Variants in SLC6A3 observed in about 807,000 individuals in gnomAD.
SLC6A3 encodes sodium-dependent dopamine transporter.
Under a neutral mutation model 70.4 loss-of-function variants are expected in SLC6A3, and 19 were observed. The observed-to-expected ratio is 0.27, with a 90% CI of 0.19 to 0.40. The LOEUF (loss-of-function observed/expected upper bound fraction) is 0.40. Ranked by LOEUF, SLC6A3 falls within the 10% of genes least tolerant of loss-of-function variation. The probability of loss-of-function intolerance (pLI) is 1.00; values close to 1 mark genes in which losing one functional copy is unlikely to be tolerated. For synonymous variants in SLC6A3, 368 were observed against 356.6 expected (o/e 1.03, Z -0.36); for missense variants, 613 against 838.5 (o/e 0.73, Z 3.32).
Position 1,411,226 on chromosome 5 carries a change from C to A in SLC6A3, c.1269+17G>T, listed in dbSNP as rs374618829. The A allele has an allele frequency of 4.0e-6, 6 of 1,509,892 alleles. No individual in the cohort carries two copies. Among genetic ancestry groups the A allele is most frequent in the South Asian group, 1.2e-5 (1 of 83,308 alleles). The allele number at this position is 1,509,892 out of a possible 1,614,324, so 93.5% of individuals were successfully genotyped here. A position where few individuals can be genotyped will look rare whatever the true frequency, so the allele number is the denominator to read the frequency against. On this transcript the variant is annotated intron_variant, in intron 9 of 14. Transcript: ENST00000270349. This position sits in a 1 kb window ranked among gnomAD's most constrained non-coding sequence, Gnocchi z 6.5. Reference sequence around the variant, plus strand: ...CCCAACTGCCGAGGACAGGGCCGGGCGGTGCGGGTTACTCACGGCGCTGTC... The same window carrying A: ...CCCAACTGCCGAGGACAGGGCCGGGAGGTGCGGGTTACTCACGGCGCTGTC...
At position 1,409,234 on chromosome 5, in the gene SLC6A3, G is replaced by A. The variant is rs1017789562; in HGVS notation, c.1399-109C>T. The A allele has an allele frequency of 6.2e-5, 51 of 829,220 alleles. 4 individuals are homozygous for A. The South Asian group carries it at 7.3e-4, about 12-fold the overall frequency. 51.4% of individuals were successfully genotyped at this position (829,220 alleles called of 1,614,324 possible). A position where few individuals can be genotyped will look rare whatever the true frequency, so the allele number is the denominator to read the frequency against. Reference sequence around the variant, plus strand: ...TTGTTTCACTCACTGCAAAACTCTGGTTTGAGTCCCTAAAATTCAACCCAC... The same window carrying A: ...TTGTTTCACTCACTGCAAAACTCTGATTTGAGTCCCTAAAATTCAACCCAC... On this transcript the variant is annotated intron_variant, in intron 10 of 14. Transcript: ENST00000270349.
At chr5:1,410,385 G>A (rs1409246616) in intron 9 of SLC6A3, among the ~76,000 whole-genome samples, 1 of 152,170 alleles carries the variant, frequency 6.6e-6, no homozygotes, top group Non-Finnish European at 1.5e-5. Context: ...AGGAACATGA[G>A]GCCTGTGGTC....
intron 14 of SLC6A3, among the ~76,000 whole-genome samples, chr5:1,400,438 C>T (rs1010472355): frequency 6.6e-6 from 1 of 152,274 alleles, no homozygotes; most frequent in South Asian, 2.1e-4. Context: ...AAACACCTGG[C>T]GTGACCATCC....
intron 3 of SLC6A3, among the ~76,000 whole-genome samples, chr5:1,433,367 T>C (rs1318322630): frequency 1.3e-5 from 2 of 152,130 alleles, no homozygotes; most frequent in East Asian, 3.9e-4. Context: ...CTGGGGTCCT[T>C]GACAGCCATC....
chr5:1,422,446 C>T (rs1756466072), intron 4 of SLC6A3, among the ~76,000 whole-genome samples: 1 of 54,072 alleles, frequency 1.8e-5, no homozygotes, highest in Non-Finnish European at 3.3e-5. Context: ...CCACCGCTGC[C>T]CACAGTGCTG....
chr5:1,406,065 G>C lies in SLC6A3; in HGVS notation c.1599+123C>G. 1.3e-6 allele frequency: 1 copy of C among 757,198 alleles called. No individual in the cohort carries two copies. Among genetic ancestry groups the C allele is most frequent in the East Asian group, 2.6e-5 (1 of 39,052 alleles). 46.9% of individuals were successfully genotyped at this position (757,198 alleles called of 1,614,324 possible). ...GGATCAGCCTGTCCTTCTGGGCCGA[G>C]TCTTGAGGCCCCTGACTCCAGCCAC... is the stretch of plus-strand genomic sequence containing the variant. On this transcript the variant is annotated intron_variant, in intron 12 of 14. Transcript: ENST00000270349. This position sits in a 1 kb window ranked among gnomAD's most constrained non-coding sequence, Gnocchi z 8.8.
chr5:1,426,878 C>T (rs115616473), intron 4 of SLC6A3, among the ~76,000 whole-genome samples: 1 of 152,310 alleles, frequency 6.6e-6, no homozygotes, highest in African/African-American at 2.4e-5. Flanking sequence ...GGTTGCACAA[C>T]ATGTGATTGT....
chr5:1,441,952 G>T (rs1165586181), intron 2 of SLC6A3, among the ~76,000 whole-genome samples: 1 of 152,188 alleles, frequency 6.6e-6, no homozygotes, highest in Admixed American at 6.5e-5. Context: ...CTCAGAGGCT[G>T]CCCCTATTGA....
At chr5:1,409,976 G>T in intron 9 of SLC6A3, 127 bp from the exon 10 acceptor site, 1 of 1,208,804 alleles carries the variant, frequency 8.3e-7, no homozygotes, top group Non-Finnish European at 1.2e-6. Context: ...CCACATGGCC[G>T]TCCAGGGTGC....
intron 1 of SLC6A3, among the ~76,000 whole-genome samples, chr5:1,444,070 G>A (rs1006286807): frequency 6.6e-6 from 1 of 152,158 alleles, no homozygotes; most frequent in Non-Finnish European, 1.5e-5. Context: ...AGAGAGTTTA[G>A]ACATAACCAT....
Position 1,414,822 on chromosome 5 carries a change from G to A in SLC6A3, c.1032-7C>T. ...GGTGGTGACAATCGCGTCCCTGTAA[G>A]AACAAGACACGCCGTCTCAGGAACC... is the stretch of plus-strand genomic sequence containing the variant. On this transcript the variant is annotated splice_region_variant and splice_polypyrimidine_tract_variant and intron_variant, in intron 7 of 14. Transcript: ENST00000270349. 3.7e-6 allele frequency: 6 copies of A among 1,612,830 alleles called. No homozygotes were observed. Among genetic ancestry groups the A allele is most frequent in the Non-Finnish European group, 5.1e-6 (6 of 1,179,828 alleles).
In SLC6A3 at chr5:1,442,865, G is replaced by A. The variant is rs375414689; in HGVS notation, c.286+47C>T. On this transcript the variant is annotated intron_variant, in intron 2 of 14. Transcript: ENST00000270349. The surrounding 1 kb of genome is among the most constrained non-coding windows in gnomAD (Gnocchi z 5.0). ...GTGCCTTGGCCCCGGCTGCCCCTAC[G>A]ACCCCCGCCCGGCCAGCATGCTCAG... 1.7e-5 allele frequency: 27 copies of A among 1,607,560 alleles called. No homozygotes were observed. Among genetic ancestry groups the A allele is most frequent in the Admixed American group, 5.0e-5 (3 of 59,994 alleles).
At chr5:1,400,770 G>C (rs970564524) in intron 14 of SLC6A3, 145 bp downstream of exon 14, 1 of 711,240 alleles carries the variant, frequency 1.4e-6, no homozygotes, top group Admixed American at 2.1e-5. Context: ...GCCACCACTG[G>C]CTGCCTGTCC....
Position 1,408,203 on chromosome 5 carries a change from A to ATTTTTTTTTTTTTT in SLC6A3, c.1498+809_1498+822dup, listed in dbSNP as rs760385170. ...AGCCTTGTGCCACCACACCCGGCTA[A>ATTTTTTTTTTTTTT]TTTTTTTTTTTTTTTTTTTTAGTAA... On this transcript the variant is annotated intron_variant, in intron 11 of 14. Coordinates refer to ENST00000270349, the MANE Select transcript of SLC6A3 (RefSeq NM_001044.5). This position sits in a 1 kb window ranked among gnomAD's most constrained non-coding sequence, Gnocchi z 6.4. Among the ~76,000 whole-genome samples, 4 of 131,546 alleles carry ATTTTTTTTTTTTTT rather than the reference A, an allele frequency of 3.0e-5. No homozygotes were observed. The highest frequency in any genetic ancestry group is 1.2e-4 in the African/African-American group (4 of 34,302). The allele number at this position is 131,546 out of a possible 152,430, so 86.3% of individuals were successfully genotyped here.
Position 1,400,570 on chromosome 5 carries a change from C to CG in SLC6A3, c.1839+344dup, listed in dbSNP as rs968793548. Among the ~76,000 whole-genome samples the CG allele has an allele frequency of 6.3e-3, 965 of 152,244 alleles. 11 individuals are homozygous for CG. Among genetic ancestry groups the CG allele is most frequent in the African/African-American group, 0.022 (906 of 41,516 alleles). ...CACTGTCCCTTGTGCCCCCGTGAGG[C>CG]GGGGGGTGGTGGTCCCTTGCTGGTC... On this transcript the variant is annotated intron_variant, in intron 14 of 14. Coordinates refer to ENST00000270349, the MANE Select transcript of SLC6A3 (RefSeq NM_001044.5).
At chr5:1,445,040 C>G (rs916746515) in intron 1 of SLC6A3, among the ~76,000 whole-genome samples, 22 of 152,234 alleles carry the variant, frequency 1.4e-4, no homozygotes, top group African/African-American at 4.8e-4. Context: ...ACCCCCGAGT[C>G]ACAGCCATAG....
intron 4 of SLC6A3, among the ~76,000 whole-genome samples, chr5:1,428,634 A>T (rs1320754983): frequency 6.6e-6 from 1 of 152,224 alleles, no homozygotes; most frequent in Non-Finnish European, 1.5e-5. Context: ...CAATGCAGGA[A>T]GGCTGGCTGG....
chr5:1,412,856 G>A (rs28363089), intron 8 of SLC6A3, among the ~76,000 whole-genome samples: 2,496 of 152,324 alleles, frequency 0.016, 29 homozygotes, highest in South Asian at 0.047. Flanking sequence ...AGCGGGGTCA[G>A]ACCTGGGCTC....
chr5:1,412,805 C>T (rs1342174177), intron 8 of SLC6A3, among the ~76,000 whole-genome samples: 1 of 152,226 alleles, frequency 6.6e-6, no homozygotes, highest in African/African-American at 2.4e-5. Flanking sequence ...AGCCAGGGGC[C>T]GTTCCTAAAG....
Sources: gnomAD v4.1 joint callset for allele counts (sites outside exome capture counted in the v4.1 genomes callset) on GRCh38, gnomAD v4.1.1 for gene constraint, Gnocchi (gnomAD v3.1) non-coding constraint, MANE v1.5 for transcripts, NCBI Gene and HGNC (gene_info 2026-07-23, HGNC 2026-07-21) for gene names.